The following ARL15 variants were observed in gnomAD, a reference collection of about 807,000 sequenced individuals.
ARL15 encodes the protein ARF like GTPase 15.
Under a neutral mutation model 25.2 loss-of-function variants are expected in ARL15, and 19 were observed. The observed-to-expected ratio is 0.75, with a 90% CI of 0.53 to 1.10. The LOEUF (loss-of-function observed/expected upper bound fraction) is 1.10, where lower values mean the gene tolerates loss of function less well. Ranked by LOEUF, ARL15 falls within the 50% of genes least tolerant of loss-of-function variation. The pLI is 0.00. For missense variants in ARL15, 220 were observed against 246.0 expected, an observed-to-expected ratio of 0.89 and a Z score of 0.71; for synonymous variants, 94 against 86.8, an observed-to-expected ratio of 1.08 and a Z score of -0.46.
chr5:54,095,864 T>C (rs903136935), intron 4 of ARL15, among the ~76,000 whole-genome samples: 5 of 151,414 alleles, frequency 3.3e-5, no homozygotes, highest in Non-Finnish European at 7.4e-5. Context: ...GACTTCAAAG[T>C]TAAAAAAAAA....
intron 4 of ARL15, among the ~76,000 whole-genome samples, chr5:53,896,556 T>G (rs116673818): frequency 7.2e-5 from 11 of 152,024 alleles, no homozygotes; most frequent in Non-Finnish European, 1.2e-4. Flanking sequence ...TGCCATGGCA[T>G]GATCTCGGCT....
chr5:53,918,855 G>A (rs566686539), intron 4 of ARL15, among the ~76,000 whole-genome samples: 3 of 151,006 alleles, frequency 2.0e-5, no homozygotes, highest in Non-Finnish European at 4.4e-5. Flanking sequence ...CATTATTTTC[G>A]AAGGTCCATT....
At chr5:54,299,415 C>T (rs538734611) in intron 1 of ARL15, among the ~76,000 whole-genome samples, 4 of 152,254 alleles carry the variant, frequency 2.6e-5, no homozygotes, top group East Asian at 3.9e-4. Context: ...ATTCTGGCTC[C>T]ACCATGTCTT....
intron 4 of ARL15, among the ~76,000 whole-genome samples, chr5:53,983,738 G>T (rs1427635279): frequency 1.3e-5 from 2 of 152,176 alleles, no homozygotes; most frequent in African/African-American, 4.8e-5. Flanking sequence ...GTAGGCTAGG[G>T]TGGATGAATC....
chr5:53,971,028 G>T (rs1297850559), intron 4 of ARL15, among the ~76,000 whole-genome samples: 1 of 152,058 alleles, frequency 6.6e-6, no homozygotes, highest in Non-Finnish European at 1.5e-5. Flanking sequence ...GCATTAAGAA[G>T]GAATTTTTGC....
rs1744494966 is a variant in ARL15 at position 53,885,488 on chromosome 5, C to T, written c.*1073G>A. ...GCACAATTTTAAGGGCACATTGAAACCCCTGAAAATAGAGGTTTATAATAG... is the reference window on the plus strand; with the variant it reads ...GCACAATTTTAAGGGCACATTGAAATCCCTGAAAATAGAGGTTTATAATAG... On this transcript the variant is annotated 3_prime_UTR_variant, in exon 5 of 5. Transcript: ENST00000504924. The T allele has an allele frequency of 6.6e-6, 1 of 152,460 alleles. No homozygotes were observed. Among genetic ancestry groups the T allele is most frequent in the Non-Finnish European group, 1.5e-5 (1 of 67,998 alleles). The allele number at this position is 152,460 out of a possible 1,614,324, so 9.4% of individuals were successfully genotyped here. A position where few individuals can be genotyped will look rare whatever the true frequency, so the allele number is the denominator to read the frequency against.
chr5:54,281,052 AG>A (rs1358681262), intron 1 of ARL15, among the ~76,000 whole-genome samples: 2 of 152,182 alleles, frequency 1.3e-5, no homozygotes, highest in African/African-American at 2.4e-5. Flanking sequence ...ACATACAAAA[AG>A]TATATAAAGT....
At chr5:53,980,019 T>G (rs1243153589) in intron 4 of ARL15, among the ~76,000 whole-genome samples, 2 of 152,212 alleles carry the variant, frequency 1.3e-5, no homozygotes. Flanking sequence ...GTCTTGACTC[T>G]AGTTTCTTTC....
intron 4 of ARL15, among the ~76,000 whole-genome samples, chr5:54,112,112 C>T (rs184256975): frequency 2.1e-4 from 32 of 152,148 alleles, no homozygotes; most frequent in African/African-American, 3.4e-4. Context: ...ATAATGGGTC[C>T]TTGCCTTTCT....
intron 4 of ARL15, among the ~76,000 whole-genome samples, chr5:54,072,905 G>C (rs1302874012): frequency 6.6e-5 from 10 of 152,114 alleles, no homozygotes; most frequent in Non-Finnish European, 1.5e-4. Context: ...GAATCACGCT[G>C]AAGATGGTAT....
chr5:54,075,785 T>C (rs988725488), intron 4 of ARL15, among the ~76,000 whole-genome samples: 13 of 152,104 alleles, frequency 8.5e-5, no homozygotes, highest in African/African-American at 3.1e-4. Flanking sequence ...CTGCACCCAG[T>C]CATATAGTTC....
chr5:54,155,676 CCA>C (rs1754206025), intron 2 of ARL15, among the ~76,000 whole-genome samples: 1 of 85,744 alleles, frequency 1.2e-5, no homozygotes, highest in African/African-American at 4.8e-5. Context: ...GTGTATATAC[CCA>C]TTCACACACA....
At chr5:54,184,976 C>T (rs1293577698) in intron 1 of ARL15, among the ~76,000 whole-genome samples, 1 of 152,178 alleles carries the variant, frequency 6.6e-6, no homozygotes, top group Non-Finnish European at 1.5e-5. Context: ...TAGCTACCCA[C>T]AGCTGTCAGG....
chr5:54,179,996 T>G (rs1208505208), intron 1 of ARL15, among the ~76,000 whole-genome samples: 7 of 125,768 alleles, frequency 5.6e-5, no homozygotes, highest in African/African-American at 2.2e-4. Context: ...CCAGCCTGGG[T>G]GACACAGCGA....
At chr5:54,288,053 A>G (rs1758225149) in intron 1 of ARL15, among the ~76,000 whole-genome samples, 2 of 152,226 alleles carry the variant, frequency 1.3e-5, no homozygotes, top group Admixed American at 1.3e-4. Context: ...TTACAAAGCT[A>G]CTAGTATGAA....
At chr5:54,285,343 T>G in intron 1 of ARL15, 1 of 889,292 alleles carries the variant, frequency 1.1e-6, no homozygotes, top group East Asian at 1.2e-4. Flanking sequence ...TTACTTACAG[T>G]TTATTGTTGT....
chr5:54,214,506 C>T (rs1398883275), intron 1 of ARL15, among the ~76,000 whole-genome samples: 4 of 152,170 alleles, frequency 2.6e-5, no homozygotes, highest in African/African-American at 9.7e-5. Context: ...AGCCTCTTCA[C>T]CATTTGTCAT....
intron 4 of ARL15, among the ~76,000 whole-genome samples, chr5:54,051,877 T>C (rs984746171): frequency 4.6e-5 from 7 of 152,308 alleles, no homozygotes; most frequent in South Asian, 2.1e-4. Context: ...TACAAAAAAC[T>C]AGAAGCAATC....
chr5:53,907,332 C>T (rs75422508), intron 4 of ARL15, among the ~76,000 whole-genome samples: 1,619 of 150,496 alleles, frequency 0.011, 40 homozygotes, highest in African/African-American at 0.037. Flanking sequence ...TACTGGTCTT[C>T]GGGTTTAAGA....
Sources: allele counts gnomAD v4.1 joint callset (sites outside exome capture counted in the v4.1 genomes callset), GRCh38; gene constraint gnomAD v4.1.1; transcripts MANE v1.5; gene names NCBI Gene and HGNC (gene_info 2026-07-23, HGNC 2026-07-21).